UBA6: variants seen among roughly 807,000 people sequenced by gnomAD.
UBA6 encodes the protein ubiquitin like modifier activating enzyme 6.
A neutral mutation model predicts 148.3 loss-of-function variants in UBA6; 87 were observed. That is an observed-to-expected ratio of 0.59 (90% CI 0.49 to 0.70). UBA6 has a LOEUF of 0.70. Among genes scored for constraint, UBA6 ranks in the 30% least tolerant of loss-of-function variants. The probability of loss-of-function intolerance (pLI) is 0.00; values close to 1 mark genes in which losing one functional copy is unlikely to be tolerated. For missense variants in UBA6, 1,186 were observed against 1,241.2 expected, an observed-to-expected ratio of 0.96 and a Z score of 0.67; for synonymous variants, 376 against 401.0, an observed-to-expected ratio of 0.94 and a Z score of 0.75.
chr4:67,696,691 G>A lies in UBA6; in HGVS notation c.88C>T (p.Pro30Ser), dbSNP rs866004487. 1 of 1,603,898 alleles carries A rather than the reference G, an allele frequency of 6.2e-7. No homozygotes were observed. The highest frequency in any genetic ancestry group is 1.3e-5 in the African/African-American group (1 of 74,600). The change falls in exon 2 of 33, where the codon CCC becomes TCC. Residue 30 changes from proline to serine, a missense_variant. Transcript: ENST00000322244. ...TCCACAGATGCTGTTGACATAATGG[G>A]CAAATTTTTATTTGTGCTGGAAAAA... ...WGTGSTNKNL[P>S]IMSTASVEID...
Position 67,617,827 on chromosome 4 carries a change from T to A in UBA6, c.*1170A>T, listed in dbSNP as rs1162569914. On this transcript the variant is annotated 3_prime_UTR_variant, in exon 33 of 33. Coordinates refer to ENST00000322244, the MANE Select transcript of UBA6 (RefSeq NM_018227.6). ...GCTTCAGAATGCATGACAGTCTTAG[T>A]AATAAAAGAATCATTTACTATTTTC... 2 of 152,038 alleles carry A rather than the reference T, an allele frequency of 1.3e-5. No homozygotes were observed. The highest frequency in any genetic ancestry group is 2.4e-5 in the African/African-American group (1 of 41,438). 9.4% of individuals were successfully genotyped at this position (152,038 alleles called of 1,614,324 possible).
intron 29 of UBA6, among the ~76,000 whole-genome samples, chr4:67,624,567 G>C (rs1339554611): frequency 1.3e-5 from 2 of 151,852 alleles, no homozygotes; most frequent in African/African-American, 4.8e-5. Flanking sequence ...CTTAATACAG[G>C]GGTAAATAAC....
chr4:67,634,191 A>T (rs774250213), intron 22 of UBA6, 51 bp downstream of exon 22: 1 of 1,282,690 alleles, frequency 7.8e-7, no homozygotes, highest in Non-Finnish European at 1.1e-6. Flanking sequence ...TGAAAATAAG[A>T]TTACACTGAC....
At chr4:67,670,931 T>G (rs1017879) in intron 7 of UBA6, among the ~76,000 whole-genome samples, 2,369 of 152,130 alleles carry the variant, frequency 0.016, 30 homozygotes, top group Middle Eastern at 0.038. Flanking sequence ...TCTGGCTTAA[T>G]AGTCCAGCAG....
chr4:67,694,373 G>A (rs1393160480), intron 2 of UBA6, among the ~76,000 whole-genome samples: 2 of 148,400 alleles, frequency 1.3e-5, no homozygotes, highest in African/African-American at 4.9e-5. Context: ...TCACATTTTG[G>A]CATTTTGGTC....
chr4:67,632,228 T>C (rs945575998), intron 23 of UBA6, among the ~76,000 whole-genome samples: 43 of 152,212 alleles, frequency 2.8e-4, no homozygotes, highest in Admixed American at 6.5e-5. Context: ...TACATGTCAT[T>C]CTGTTCTTTT....
At chr4:67,634,620 A>G in intron 20 of UBA6, 102 bp from the exon 21 acceptor site, 3 of 713,750 alleles carry the variant, frequency 4.2e-6, no homozygotes, top group Non-Finnish European at 6.4e-6. Flanking sequence ...AAATCCAAAA[A>G]TAAATAAAAT....
chr4:67,631,251 A>C (rs1018567339), intron 25 of UBA6, among the ~76,000 whole-genome samples: 1 of 152,194 alleles, frequency 6.6e-6, no homozygotes, highest in African/African-American at 2.4e-5. Flanking sequence ...TATACACACA[A>C]GTGTGAATCT....
chr4:67,666,673 C>T (rs1337838618), intron 9 of UBA6, among the ~76,000 whole-genome samples: 6 of 151,790 alleles, frequency 4.0e-5, no homozygotes, highest in Non-Finnish European at 7.4e-5. Flanking sequence ...CCCTGGAGTT[C>T]GAGACCAGCT....
At chr4:67,653,265 C>A (rs181175689) in intron 13 of UBA6, among the ~76,000 whole-genome samples, 193 of 152,302 alleles carry the variant, frequency 1.3e-3, no homozygotes, top group African/African-American at 4.3e-3. Flanking sequence ...CTGGGAAACA[C>A]CTCCCAGTAG....
Position 67,613,144 on chromosome 4 carries a change from AC to A in UBA6, c.*5852del, listed in dbSNP as rs1252851773. The A allele has an allele frequency of 6.6e-6, 1 of 152,216 alleles. No homozygotes were observed. Among genetic ancestry groups the A allele is most frequent in the Non-Finnish European group, 1.5e-5 (1 of 68,040 alleles). The allele number at this position is 152,216 out of a possible 1,614,324, so 9.4% of individuals were successfully genotyped here. On this transcript the variant is annotated 3_prime_UTR_variant, in exon 33 of 33. Transcript: ENST00000322244. ...GGCTCAGCTTTCAGTCACCTAGGTG[AC>A]CTGGAAAATTTCAGTATCTGAAACT...
At chr4:67,662,610 T>C in intron 12 of UBA6, 1 of 201,500 alleles carries the variant, frequency 5.0e-6, no homozygotes, top group Non-Finnish European at 9.9e-6. Flanking sequence ...ATTACCGGCA[T>C]GCACCACCAC....
chr4:67,670,218 G>A lies in UBA6; in HGVS notation c.669+252C>T, dbSNP rs1255895030. Among the ~76,000 whole-genome samples, 3 of 152,120 alleles carry A rather than the reference G, an allele frequency of 2.0e-5. No homozygotes were observed. The East Asian group carries it at 5.8e-4, about 29-fold the overall frequency. On this transcript the variant is annotated intron_variant, in intron 8 of 32. Transcript: ENST00000322244. ...GTCAGCCTCCAAAAGTGCTGGGATT[G>A]TAGGCGTGAGCCACCATGCCTGGCC...
chr4:67,698,646 T>C (rs1577847918), intron 1 of UBA6, among the ~76,000 whole-genome samples: 1 of 151,994 alleles, frequency 6.6e-6, no homozygotes, highest in East Asian at 1.9e-4. Context: ...ATATTAGACA[T>C]AAAGGAAACA....
In UBA6 at chr4:67,668,655, G is replaced by A. The variant is rs1276590826; in HGVS notation, c.689C>T (p.Thr230Ile). The A allele has an allele frequency of 9.3e-6, 15 of 1,612,712 alleles. No individual in the cohort carries two copies. The highest frequency in any genetic ancestry group is 1.1e-5 in the Non-Finnish European group (13 of 1,179,208). Residue 230 changes from threonine to isoleucine, a missense_variant, in exon 9 of 33, where the codon ACT becomes ATT. By Grantham distance (89) the Thr-to-Ile change is moderately conservative. Transcript: ENST00000322244. ...NITQANPGIVTCLENHPHKLE... is the reference protein window; with the variant it reads ...NITQANPGIVICLENHPHKLE... ...TTTGTGAGGATGATTTTCAAGGCAA[G>A]TAACAATGCCAGGATTTGCCTAAAA...
At chr4:67,698,334 G>A (rs1178352514) in intron 1 of UBA6, among the ~76,000 whole-genome samples, 3 of 152,160 alleles carry the variant, frequency 2.0e-5, no homozygotes, top group Non-Finnish European at 4.4e-5. Flanking sequence ...TGTATGGTCT[G>A]TTAAAAACTC....
intron 4 of UBA6, among the ~76,000 whole-genome samples, chr4:67,680,031 T>C (rs1730393499): frequency 6.6e-6 from 1 of 152,158 alleles, no homozygotes; most frequent in Non-Finnish European, 1.5e-5. Flanking sequence ...CACATACATA[T>C]AAATTCACTG....
chr4:67,687,119 T>C (rs1288106368), intron 2 of UBA6, among the ~76,000 whole-genome samples: 10 of 139,498 alleles, frequency 7.2e-5, no homozygotes, highest in African/African-American at 1.6e-4. Flanking sequence ...CCCTGCAACC[T>C]CTGCCTCCCG....
At chr4:67,621,917 C>T (rs1312999541) in intron 32 of UBA6, among the ~76,000 whole-genome samples, 2 of 152,132 alleles carry the variant, frequency 1.3e-5, no homozygotes, top group East Asian at 1.9e-4. Flanking sequence ...GGGGACTAGA[C>T]ATACTAGACT....
Sources: allele counts gnomAD v4.1 joint callset (sites outside exome capture counted in the v4.1 genomes callset), GRCh38; gene constraint gnomAD v4.1.1; transcripts MANE v1.5; gene names NCBI Gene and HGNC (gene_info 2026-07-23, HGNC 2026-07-21).